The following MFF variants were observed in gnomAD, a reference collection of about 807,000 sequenced individuals.
The protein encoded by MFF is mitochondrial fission factor, also known as chromosome 2 open reading frame 33.
MFF carries 12 observed loss-of-function variants against 36.9 expected under a neutral mutation model. That is an observed-to-expected ratio of 0.33 (90% CI 0.21 to 0.53). The LOEUF (loss-of-function observed/expected upper bound fraction) is 0.53. MFF is among the 20% of genes least tolerant of loss of function. The pLI is 0.95. For synonymous variants in MFF, 99 were observed against 126.2 expected (o/e 0.78, Z 1.44); for missense variants, 348 against 366.6 (o/e 0.95, Z 0.42).
chr2:227,335,549 A>G (rs1270716477), intron 4 of MFF, among the ~76,000 whole-genome samples: 1 of 152,242 alleles, frequency 6.6e-6, no homozygotes, highest in Non-Finnish European at 1.5e-5. Context: ...ACCTCCAGAC[A>G]TTGCCAAATG....
intron 5 of MFF, among the ~76,000 whole-genome samples, chr2:227,345,683 A>G (rs899133079): frequency 6.6e-5 from 10 of 151,766 alleles, no homozygotes; most frequent in Admixed American, 5.9e-4. Context: ...TGTTTTTTTT[A>G]TTTGTTTGTT....
intron 6 of MFF, among the ~76,000 whole-genome samples, chr2:227,351,392 C>T (rs923254582): frequency 6.9e-5 from 5 of 72,238 alleles, no homozygotes; most frequent in African/African-American, 2.0e-4. Context: ...ATTGAATTAT[C>T]AGAAAATAAT....
intron 5 of MFF, among the ~76,000 whole-genome samples, chr2:227,345,001 A>T (rs931811413): frequency 6.6e-6 from 1 of 152,130 alleles, no homozygotes; most frequent in African/African-American, 2.4e-5. Context: ...ATTGTATTCC[A>T]ATTTCATGTG....
At chr2:227,334,709 C>T (rs2074853894) in intron 4 of MFF, among the ~76,000 whole-genome samples, 1 of 152,092 alleles carries the variant, frequency 6.6e-6, no homozygotes, top group African/African-American at 2.4e-5. Flanking sequence ...ATGTTTGCAA[C>T]ATTTGTGATC....
chr2:227,342,912 T>G, intron 5 of MFF: 1 of 955,980 alleles, frequency 1.0e-6, no homozygotes, highest in Non-Finnish European at 1.6e-6. Flanking sequence ...AATTGACGTA[T>G]GCTATCCTAA....
chr2:227,334,279 A>G (rs1446246590), intron 4 of MFF, among the ~76,000 whole-genome samples: 1 of 152,234 alleles, frequency 6.6e-6, no homozygotes, highest in Non-Finnish European at 1.5e-5. Flanking sequence ...ATCCTGTGGC[A>G]GGAGCCAGAT....
rs2106316750 is a variant in MFF at position 227,325,409 on chromosome 2, C to G, written c.-171C>G. 1 of 154,866 alleles carries G rather than the reference C, an allele frequency of 6.5e-6. No homozygotes were observed. The highest frequency in any genetic ancestry group is 1.9e-4 in the East Asian group (1 of 5,174). 9.6% of individuals were successfully genotyped at this position (154,866 alleles called of 1,614,324 possible). On this transcript the variant is annotated 5_prime_UTR_variant, in exon 1 of 9. Coordinates refer to ENST00000304593, the MANE Select transcript of MFF (RefSeq NM_001277062.2). Reference sequence around the variant, plus strand: ...CAGAGGGCGGGGGTCCTCGCCGGGACCCTCCTGTGGGCCCAGGGGTGAGTG... The same window carrying G: ...CAGAGGGCGGGGGTCCTCGCCGGGAGCCTCCTGTGGGCCCAGGGGTGAGTG...
At chr2:227,348,163 T>C (rs2075809358) in intron 6 of MFF, among the ~76,000 whole-genome samples, 1 of 152,222 alleles carries the variant, frequency 6.6e-6, no homozygotes, top group Non-Finnish European at 1.5e-5. Flanking sequence ...TGAATTTTCA[T>C]GATTATTTAA....
intron 1 of MFF, among the ~76,000 whole-genome samples, chr2:227,326,333 C>T (rs1164941043): frequency 6.6e-6 from 1 of 151,732 alleles, no homozygotes; most frequent in Non-Finnish European, 1.5e-5. Flanking sequence ...GTTTTGTCTC[C>T]CTGCGTGAAA....
chr2:227,335,091 A>G (rs2074888421), intron 4 of MFF, among the ~76,000 whole-genome samples: 2 of 150,640 alleles, frequency 1.3e-5, no homozygotes, highest in African/African-American at 4.9e-5. Flanking sequence ...GAATCACTTG[A>G]ACCCCGGGGT....
At position 227,332,508 on chromosome 2, in the gene MFF, C is replaced by A; in HGVS notation, c.271C>A (p.Pro91Thr). The change falls in exon 4 of 9, where the codon CCT becomes ACT. Residue 91 changes from proline to threonine, a missense_variant. Pro to Thr is a conservative substitution (Grantham distance 38). Transcript: ENST00000304593. ...TAAACCCCTGGCACTGAAAACACCA[C>A]CTCGTGTACTTACGCTGAGTGAAAG... is the stretch of plus-strand genomic sequence containing the variant. ...PFKPLALKTP[P>T]RVLTLSERPL... 1.2e-6 allele frequency: 2 copies of A among 1,613,420 alleles called. No individual in the cohort carries two copies. Among genetic ancestry groups the A allele is most frequent in the South Asian group, 2.2e-5 (2 of 91,032 alleles).
intron 3 of MFF, among the ~76,000 whole-genome samples, chr2:227,331,657 T>C (rs1471137526): frequency 6.6e-6 from 1 of 152,222 alleles, no homozygotes; most frequent in Non-Finnish European, 1.5e-5. Flanking sequence ...TTGCCAACAT[T>C]TTGTATTGTC....
chr2:227,330,718 G>C lies in MFF; in HGVS notation c.53G>C (p.Ser18Thr), dbSNP rs770796779. The change falls in exon 3 of 9, where the codon AGT (serine) becomes ACT (threonine). Residue 18 changes from serine (S) to threonine (T), a missense_variant. Ser to Thr is a moderately conservative substitution (Grantham distance 58). Coordinates refer to ENST00000304593, the MANE Select transcript of MFF (RefSeq NM_001277062.2). Reference sequence around the variant, plus strand: ...GAAATGGAATATACTGAAGGCATTAGTCAGCGAATGAGGGTCCCAGAAAAG... The same window carrying C: ...GAAATGGAATATACTGAAGGCATTACTCAGCGAATGAGGGTCCCAGAAAAG... ...QYEMEYTEGI[S>T]QRMRVPEKLK... 3.7e-6 allele frequency: 6 copies of C among 1,614,152 alleles called. No homozygotes were observed. Among genetic ancestry groups the C allele is most frequent in the African/African-American group, 2.7e-5 (2 of 75,052 alleles).
At position 227,341,955 on chromosome 2, in the gene MFF, T is replaced by C. The variant is rs567895928; in HGVS notation, c.440+1575T>C. ...CAGCTGAAGAGAAAGGAAACCCCTT[T>C]ATTATGTACGAAAACCAGTCCAGTG... On this transcript the variant is annotated intron_variant, in intron 5 of 8. Coordinates refer to ENST00000304593, the MANE Select transcript of MFF (RefSeq NM_001277062.2). Among the ~76,000 whole-genome samples the C allele has an allele frequency of 4.6e-5, 7 of 152,228 alleles. No individual in the cohort carries two copies. The South Asian group carries it at 1.4e-3, about 32-fold the overall frequency.
At chr2:227,338,765 G>A (rs897690810) in intron 4 of MFF, among the ~76,000 whole-genome samples, 1 of 151,476 alleles carries the variant, frequency 6.6e-6, no homozygotes, top group Non-Finnish European at 1.5e-5. Context: ...GGGAGGCAGA[G>A]TTTGCAGTGA....
At chr2:227,326,163 G>A (rs1034806419) in intron 1 of MFF, among the ~76,000 whole-genome samples, 1 of 151,676 alleles carries the variant, frequency 6.6e-6, no homozygotes, top group Non-Finnish European at 1.5e-5. Flanking sequence ...GAAGCAAAGG[G>A]CATTCTCGAG....
intron 3 of MFF, 46 bp downstream of exon 3, chr2:227,330,892 A>G (rs756959878): frequency 1.4e-6 from 2 of 1,464,536 alleles, no homozygotes; most frequent in Non-Finnish European, 1.9e-6. Flanking sequence ...TCTTTGTTTT[A>G]TATGTTTCTA....
intron 1 of MFF, among the ~76,000 whole-genome samples, chr2:227,325,927 C>T (rs1027804702): frequency 9.2e-5 from 14 of 152,068 alleles, no homozygotes; most frequent in African/African-American, 3.1e-4. Flanking sequence ...TTGTTGGAAG[C>T]CCAGGTTGTG....
Position 227,331,959 on chromosome 2 carries a change from A to ATTTTTTTTTTT in MFF, c.182-440_182-430dup, listed in dbSNP as rs10549336. On this transcript the variant is annotated intron_variant, in intron 3 of 8. Transcript: ENST00000304593. ...AGTGAAATGTCAATACGCTGGAAGC[A>ATTTTTTTTTTT]TTTTTTTTTTTTTTTTTTTTTTTTT... Among the ~76,000 whole-genome samples, 43 of 76,816 alleles carry ATTTTTTTTTTT rather than the reference A, an allele frequency of 5.6e-4. 1 individual carries two copies. Among genetic ancestry groups the ATTTTTTTTTTT allele is most frequent in the South Asian group, 2.0e-3 (4 of 1,968 alleles). 50.4% of individuals were successfully genotyped at this position (76,816 alleles called of 152,430 possible). A position where few individuals can be genotyped will look rare whatever the true frequency, so the allele number is the denominator to read the frequency against.
Sources: gnomAD v4.1 joint callset for allele counts (sites outside exome capture counted in the v4.1 genomes callset) on GRCh38, gnomAD v4.1.1 for gene constraint, MANE v1.5 for transcripts, NCBI Gene and HGNC (gene_info 2026-07-23, HGNC 2026-07-21) for gene names.